The following SLC30A10 variants were observed in gnomAD, a reference collection of about 807,000 sequenced individuals.
The protein encoded by SLC30A10 is solute carrier family 30 member 10.
A neutral mutation model predicts 21.7 loss-of-function variants in SLC30A10; 8 were observed. That is an observed-to-expected ratio of 0.37 (90% CI 0.22 to 0.67). The LOEUF (loss-of-function observed/expected upper bound fraction) is 0.67, where lower values mean the gene tolerates loss of function less well. Among genes scored for constraint, SLC30A10 ranks in the 30% least tolerant of loss-of-function variants. The pLI is 0.58. For synonymous variants in SLC30A10, 272 were observed against 279.4 expected (o/e 0.97, Z 0.26); for missense variants, 521 against 642.5 (o/e 0.81, Z 2.04).
intron 2 of SLC30A10, among the ~76,000 whole-genome samples, chr1:219,922,158 T>TTGTG (rs139669169): frequency 2.1e-4 from 9 of 42,896 alleles, no homozygotes; most frequent in African/African-American, 1.0e-3. Context: ...ACCTTCTTGT[T>TTGTG]TGTGTGTGTG....
In SLC30A10 at chr1:219,911,070, G is replaced by A. The variant is rs1400864287; in HGVS notation, c.*4379C>T. Among the ~76,000 whole-genome samples the A allele has an allele frequency of 6.7e-6, 1 of 148,802 alleles. No homozygotes were observed. The highest frequency in any genetic ancestry group is 2.5e-5 in the African/African-American group (1 of 40,556). On this transcript the variant is annotated 3_prime_UTR_variant, in exon 4 of 4. Coordinates refer to ENST00000366926, the MANE Select transcript of SLC30A10 (RefSeq NM_018713.3). ...CTTTATCAGGTGCATGACTTCTATA[G>A]AGCAGGCATGCAGTCCGCGATCATT...
At chr1:219,946,673 G>A (rs530705656) in intron 1 of SLC30A10, among the ~76,000 whole-genome samples, 10 of 152,136 alleles carry the variant, frequency 6.6e-5, no homozygotes, top group African/African-American at 1.9e-4. Flanking sequence ...CCAACTGCCT[G>A]CCCACTGAGA....
At chr1:219,936,862 T>C (rs941553175) in intron 1 of SLC30A10, among the ~76,000 whole-genome samples, 27 of 152,346 alleles carry the variant, frequency 1.8e-4, no homozygotes, top group Middle Eastern at 6.8e-3. Context: ...CCAAAACACT[T>C]ACATTCTATT....
chr1:219,954,580 C>T (rs144304447), intron 1 of SLC30A10, among the ~76,000 whole-genome samples: 328 of 148,620 alleles, frequency 2.2e-3, no homozygotes, highest in African/African-American at 7.7e-3. Context: ...CTTGGGAGGC[C>T]GAGGCACGAG....
At chr1:219,943,493 C>G (rs1486335875) in intron 1 of SLC30A10, among the ~76,000 whole-genome samples, 1 of 152,136 alleles carries the variant, frequency 6.6e-6, no homozygotes, top group Non-Finnish European at 1.5e-5. Flanking sequence ...GAGACCTGCT[C>G]AAACAGAAAA....
In SLC30A10 at chr1:219,915,059, A is replaced by C. The variant is rs1269460764; in HGVS notation, c.*390T>G. On this transcript the variant is annotated 3_prime_UTR_variant, in exon 4 of 4. Coordinates refer to ENST00000366926, the MANE Select transcript of SLC30A10 (RefSeq NM_018713.3). The stretch of plus-strand genomic sequence containing the variant: ...TACTTTAGTTTTTTCAATGTATTTA[A>C]GCTATGATCTCACCTGAGCATTAGC... 5.9e-6 allele frequency: 1 copy of C among 170,562 alleles called. No homozygotes were observed. Among genetic ancestry groups the C allele is most frequent in the Non-Finnish European group, 1.3e-5 (1 of 79,430 alleles). The allele number at this position is 170,562 out of a possible 1,614,324, so 10.6% of individuals were successfully genotyped here. A position where few individuals can be genotyped will look rare whatever the true frequency, so the allele number is the denominator to read the frequency against.
chr1:219,919,692 C>G (rs184396801), intron 2 of SLC30A10, among the ~76,000 whole-genome samples: 443 of 151,452 alleles, frequency 2.9e-3, no homozygotes, highest in African/African-American at 0.01. Context: ...AGGAGAATCG[C>G]TTGAACCCAG....
At chr1:219,946,460 G>A (rs944758295) in intron 1 of SLC30A10, among the ~76,000 whole-genome samples, 1 of 152,184 alleles carries the variant, frequency 6.6e-6, no homozygotes, top group Admixed American at 6.5e-5. Flanking sequence ...GGAGTGAAGG[G>A]AACATAAATC....
chr1:219,944,023 C>T (rs1191889964), intron 1 of SLC30A10, among the ~76,000 whole-genome samples: 5 of 150,614 alleles, frequency 3.3e-5, no homozygotes, highest in African/African-American at 9.8e-5. Context: ...TGGCGTGAAC[C>T]CAGGAGGTGG....
At chr1:219,916,579 A>G (rs1156962980) in intron 3 of SLC30A10, among the ~76,000 whole-genome samples, 3 of 152,240 alleles carry the variant, frequency 2.0e-5, no homozygotes, top group Non-Finnish European at 1.5e-5. Flanking sequence ...TACACCGCAT[A>G]TAGAAGAAAA....
intron 2 of SLC30A10, among the ~76,000 whole-genome samples, chr1:219,925,953 G>A (rs531623544): frequency 2.0e-5 from 3 of 151,800 alleles, no homozygotes; most frequent in South Asian, 4.2e-4. Flanking sequence ...GAGCCACCGC[G>A]CCCACCCCAA....
At chr1:219,929,567 C>G (rs1225139580), upstream of SLC30A10, among the ~76,000 whole-genome samples, 1 of 151,804 alleles carries the variant, frequency 6.6e-6, no homozygotes, top group Non-Finnish European at 1.5e-5. Context: ...GTTGCCCAGG[C>G]TGGAGTGCAA....
chr1:219,944,026 G>A (rs1030308489), intron 1 of SLC30A10, among the ~76,000 whole-genome samples: 1 of 151,562 alleles, frequency 6.6e-6, no homozygotes, highest in Non-Finnish European at 1.5e-5. Context: ...CGTGAACCCA[G>A]GAGGTGGAGT....
chr1:219,944,293 A>C (rs2102543996), intron 1 of SLC30A10, among the ~76,000 whole-genome samples: 1 of 151,714 alleles, frequency 6.6e-6, no homozygotes, highest in East Asian at 1.9e-4. Context: ...TAAAAAATAC[A>C]AAAAATTAGC....
chr1:219,917,656 G>C (rs1412352825), intron 3 of SLC30A10, among the ~76,000 whole-genome samples: 1 of 145,608 alleles, frequency 6.9e-6, no homozygotes, highest in East Asian at 1.9e-4. Flanking sequence ...AAAGTAAGTA[G>C]CCCAGGAATA....
chr1:219,957,726 TA>T (rs879864140), intron 1 of SLC30A10, among the ~76,000 whole-genome samples: 1 of 152,172 alleles, frequency 6.6e-6, no homozygotes, highest in Non-Finnish European at 1.5e-5. Context: ...ATAAAAGCAC[TA>T]AAAATTTCTC....
chr1:219,937,306 A>G (rs962809971), intron 1 of SLC30A10, among the ~76,000 whole-genome samples: 7 of 152,150 alleles, frequency 4.6e-5, no homozygotes, highest in African/African-American at 1.7e-4. Context: ...ACTTCTCCAG[A>G]ATGTATGTAT....
chr1:219,945,680 A>G (rs1389363205), intron 1 of SLC30A10, among the ~76,000 whole-genome samples: 1 of 152,254 alleles, frequency 6.6e-6, no homozygotes, highest in African/African-American at 2.4e-5. Context: ...AGAAGAGATA[A>G]TGTTTGAAAA....
Position 219,949,683 on chromosome 1 carries a change from C to T in SLC30A10, n.80+8885G>A, listed in dbSNP as rs530258593. Among the ~76,000 whole-genome samples, 29 of 151,326 alleles carry T rather than the reference C, an allele frequency of 1.9e-4. No individual in the cohort carries two copies. In the East Asian group the frequency reaches 2.1e-3, roughly 11 times the overall value. On this transcript the variant is annotated intron_variant and non_coding_transcript_variant, in intron 1 of 8. Transcript: ENST00000484239. Reference sequence around the variant, plus strand: ...AGTTAATGGGTGCAGCACACCAGCACGACACATGTATACATATGTAACTAA... The same window carrying T: ...AGTTAATGGGTGCAGCACACCAGCATGACACATGTATACATATGTAACTAA...
Sources: gnomAD v4.1 joint callset for allele counts (sites outside exome capture counted in the v4.1 genomes callset) on GRCh38, gnomAD v4.1.1 for gene constraint, MANE v1.5 for transcripts, NCBI Gene and HGNC (gene_info 2026-07-23, HGNC 2026-07-21) for gene names.